The following LYRM4 variants were observed in gnomAD, a reference collection of about 807,000 sequenced individuals.
The protein encoded by LYRM4 is LYR motif containing 4, also known as LYR motif-containing protein 4.
In LYRM4, 9 loss-of-function variants were observed where a neutral mutation model predicts 11.7. The ratio of observed to expected loss-of-function variants is 0.77; its 90% CI spans 0.46 to 1.34. LYRM4 has a LOEUF of 1.34. LYRM4 is among the 40% of genes most tolerant of loss of function. The pLI is 0.00. For synonymous variants in LYRM4, 42 were observed against 40.4 expected (o/e 1.04, Z -0.15); for missense variants, 133 against 112.5 (o/e 1.18, Z -0.82).
the LYRM4 span, chr6:5,089,098 T>A: frequency 1.3e-5 from 2 of 152,232 alleles, no homozygotes; most frequent in African/African-American, 4.8e-5. Context: ...CATCAGGAGT[T>A]AACATATTAC....
chr6:5,256,491 G>GAAA (rs1161084364), intron 1 of LYRM4, among the ~76,000 whole-genome samples: 1 of 43,856 alleles, frequency 2.3e-5, no homozygotes, highest in Non-Finnish European at 3.6e-5. Flanking sequence ...ATTTCAACTG[G>GAAA]AAAAAAAAAA....
At chr6:5,187,415 G>A (rs1206809863) in intron 2 of LYRM4, among the ~76,000 whole-genome samples, 2 of 152,150 alleles carry the variant, frequency 1.3e-5, no homozygotes, top group Non-Finnish European at 2.9e-5. Context: ...ATCATTAAGT[G>A]GCTAATTAGA....
chr6:5,230,974 G>A (rs901007597), intron 1 of LYRM4, among the ~76,000 whole-genome samples: 5 of 152,272 alleles, frequency 3.3e-5, no homozygotes, highest in African/African-American at 1.2e-4. Flanking sequence ...AGGAAAAAAA[G>A]TCCATATAAA....
At chr6:5,226,620 G>T (rs563172442) in intron 1 of LYRM4, among the ~76,000 whole-genome samples, 1 of 152,072 alleles carries the variant, frequency 6.6e-6, no homozygotes, top group South Asian at 2.1e-4. Context: ...CAGGTGATCC[G>T]CCCGCCTCAG....
At position 5,251,532 on chromosome 6, in the gene LYRM4, C is replaced by T. The variant is rs145488569; in HGVS notation, c.86+9116G>A. Among the ~76,000 whole-genome samples the T allele has an allele frequency of 1.3e-3, 194 of 152,122 alleles. 1 individual carries two copies. The highest frequency in any genetic ancestry group is 4.4e-3 in the African/African-American group (181 of 41,500). On this transcript the variant is annotated intron_variant, in intron 1 of 2. Transcript: ENST00000330636. ...ACAGGCCAGAGCAGGAGCAAGCAAG[C>T]GAGGAAGGAGATGCCACATACTTTA... is the stretch of plus-strand genomic sequence containing the variant.
chr6:5,109,737 C>T (rs1762792420), intron 2 of LYRM4, among the ~76,000 whole-genome samples: 1 of 146,396 alleles, frequency 6.8e-6, no homozygotes, highest in Admixed American at 6.8e-5. Flanking sequence ...CAGGAGGCTG[C>T]AGCCTGGGAC....
At chr6:5,044,564 C>T in the LYRM4 span, among the ~76,000 whole-genome samples, 2 of 152,204 alleles carry the variant, frequency 1.3e-5, no homozygotes, top group African/African-American at 4.8e-5. Context: ...TTCCCTCTGA[C>T]GTGTTTGTTG....
rs1762778251 is a variant in LYRM4, at chr6:5,109,485, T to C, written c.214A>G (p.Ile72Val). 2.5e-6 allele frequency: 4 copies of C among 1,613,774 alleles called. No homozygotes were observed. The highest frequency in any genetic ancestry group is 3.3e-5 in the Admixed American group (2 of 60,020). The stretch of plus-strand genomic sequence containing the variant: ...TTGTCAGTTGAATACAGTTGGCCAA[T>C]GTGGACCTGAAGGCAAAGAAAGGAC... The part of the protein sequence containing the change: ...DLGVIRRQVH[I>V]GQLYSTDKLI... The change falls in exon 3 of 3, where the codon ATT becomes GTT. Residue 72 changes from isoleucine to valine, a missense_variant. Ile to Val is a conservative substitution (Grantham distance 29, BLOSUM62 3). Transcript: ENST00000330636.
Position 5,260,704 on chromosome 6 carries a change from T to G in LYRM4, c.30A>C (p.Leu10Phe). 2.6e-6 allele frequency: 4 copies of G among 1,548,932 alleles called. No homozygotes were observed. The highest frequency in any genetic ancestry group is 2.4e-5 in the South Asian group (2 of 84,606). ...CTCTCAGCATCGCCCGGTACAGAGA[T>G]AACACTTGTGCGCGACTGGAGGCTG... MAASSRAQV[L>F]SLYRAMLRES... Residue 10 changes from leucine to phenylalanine, a missense_variant, in exon 1 of 3, where the codon TTA becomes TTC. By Grantham distance (22) the Leu-to-Phe change is conservative (BLOSUM62 0). Coordinates refer to ENST00000330636, the MANE Select transcript of LYRM4 (RefSeq NM_020408.6).
At chr6:5,231,597 G>T (rs902957769) in intron 1 of LYRM4, among the ~76,000 whole-genome samples, 2 of 152,172 alleles carry the variant, frequency 1.3e-5, no homozygotes, top group African/African-American at 4.8e-5. Context: ...TCTCCCTTTG[G>T]AGAGCTTTAA....
At chr6:5,086,598 G>T in the LYRM4 span, 1 of 1,436,478 alleles carries the variant, frequency 7.0e-7, no homozygotes, top group South Asian at 1.4e-5. Flanking sequence ...GGGCGGGGTT[G>T]ATTAGCACGT....
the LYRM4 span, among the ~76,000 whole-genome samples, chr6:5,069,369 A>C: frequency 1.5e-5 from 2 of 136,368 alleles, no homozygotes; most frequent in Non-Finnish European, 3.2e-5. Context: ...ACATGTTAAC[A>C]TAAAAAAAAA....
intron 2 of LYRM4, chr6:5,113,361 G>C: frequency 2.2e-6 from 1 of 448,044 alleles, no homozygotes; most frequent in Non-Finnish European, 4.5e-6. Flanking sequence ...GGAGGTGGAG[G>C]TTGCTGAGAT....
chr6:5,144,568 T>A (rs1757595773), intron 2 of LYRM4, among the ~76,000 whole-genome samples: 1 of 123,386 alleles, frequency 8.1e-6, no homozygotes, highest in South Asian at 2.6e-4. Flanking sequence ...ACCTGGGAGG[T>A]GAGCCGAGAT....
intron 2 of LYRM4, among the ~76,000 whole-genome samples, chr6:5,150,779 A>G (rs935900137): frequency 8.5e-5 from 13 of 152,194 alleles, no homozygotes; most frequent in Admixed American, 5.2e-4. Flanking sequence ...CTACAGCTGA[A>G]CCAATCTCTT....
the LYRM4 span, among the ~76,000 whole-genome samples, chr6:5,083,232 A>G: frequency 6.6e-6 from 1 of 152,228 alleles, no homozygotes; most frequent in Admixed American, 6.5e-5. Context: ...CCACCACCTC[A>G]AAATCTCTTT....
the LYRM4 span, among the ~76,000 whole-genome samples, chr6:5,040,394 TAAAG>T: frequency 6.6e-6 from 1 of 151,288 alleles, no homozygotes; most frequent in African/African-American, 2.4e-5. Context: ...CATACATACA[TAAAG>T]AAATTTCTTT....
At chr6:5,228,500 A>T (rs1250681692) in intron 1 of LYRM4, among the ~76,000 whole-genome samples, 2 of 151,418 alleles carry the variant, frequency 1.3e-5, no homozygotes, top group African/African-American at 4.9e-5. Context: ...CTGGTATTGA[A>T]CTCCTGACCT....
At chr6:5,110,206 T>A (rs979304964) in intron 2 of LYRM4, among the ~76,000 whole-genome samples, 2 of 152,120 alleles carry the variant, frequency 1.3e-5, no homozygotes, top group African/African-American at 4.8e-5. Flanking sequence ...ACAAGTGGAA[T>A]GGGTGAAGGA....
Sources: allele counts gnomAD v4.1 joint callset (sites outside exome capture counted in the v4.1 genomes callset), GRCh38; gene constraint gnomAD v4.1.1; transcripts MANE v1.5; gene names NCBI Gene and HGNC (gene_info 2026-07-23, HGNC 2026-07-21).